The following NEB variants were observed in gnomAD, a reference collection of about 807,000 sequenced individuals.
NEB encodes nemaline myopathy type 2.
In NEB, 512 loss-of-function variants were observed where a neutral mutation model predicts 952.2. The ratio of observed to expected loss-of-function variants is 0.54; its 90% CI spans 0.50 to 0.58. NEB has a LOEUF of 0.58. Ranked by LOEUF, NEB falls within the 20% of genes least tolerant of loss-of-function variation. NEB has a pLI of 0.00. For synonymous variants in NEB, 2,900 were observed against 3,149.8 expected (o/e 0.92, Z 2.66); for missense variants, 8,428 against 9,231.1 (o/e 0.91, Z 3.56).
chr2:151,620,933 C>A lies in NEB; in HGVS notation c.10546G>T (p.Asp3516Tyr), dbSNP rs777340229. The A allele has an allele frequency of 1.2e-6, 2 of 1,611,252 alleles. No individual in the cohort carries two copies. Among genetic ancestry groups the A allele is most frequent in the Non-Finnish European group, 8.5e-7 (1 of 1,178,718 alleles). Residue 3516 changes from aspartate (D) to tyrosine (Y), a missense_variant, in exon 72 of 182, where the codon GAT (aspartate) becomes TAT (tyrosine). This residue lies in a region of NEB where 1,772 missense variants were observed against 1,960.3 expected (regional missense o/e 0.90). Transcript: ENST00000397345. ...TCAGCTCTTACATCACTGGCAATAT[C>A]CCGAGAGGCCTTGGCAGCCACAATG... ...IPIVAAKASR[D>Y]IASDYKYKEA...
intron 153 of NEB, 94 bp downstream of exon 153, chr2:151,524,217 T>A (rs2083940498): frequency 1.9e-6 from 2 of 1,042,534 alleles, no homozygotes; most frequent in African/African-American, 1.6e-5. Flanking sequence ...AGACCCAGCA[T>A]CCCTTTGCAT....
chr2:151,519,745 A>T lies in NEB; in HGVS notation c.22503T>A (p.Asp7501Glu), dbSNP rs1319017675. 6.2e-7 allele frequency: 1 copy of T among 1,612,206 alleles called. No homozygotes were observed. The highest frequency in any genetic ancestry group is 8.5e-7 in the Non-Finnish European group (1 of 1,178,500). ...ATTTTGGTGTCTTGCCCTTTTCTTT[A>T]TCGAAATTTTCTCGGTATTTAACCT... is the stretch of plus-strand genomic sequence containing the variant. The part of the protein sequence containing the change: ...SSQVKYRENF[D>E]KEKGKTPKYN... The change falls in exon 154 of 182, where the codon GAT (aspartate) becomes GAA (glutamate). Residue 7501 changes from aspartate (D) to glutamate (E), a missense_variant. Coordinates refer to ENST00000397345, the MANE Select transcript of NEB (RefSeq NM_001164508.2).
chr2:151,733,136 A>G lies in NEB; in HGVS notation c.21T>C (p.Tyr7=), dbSNP rs2099813086. 2 of 1,605,100 alleles carry G rather than the reference A, an allele frequency of 1.2e-6. No individual in the cohort carries two copies. Among genetic ancestry groups the G allele is most frequent in the Non-Finnish European group, 1.7e-6 (2 of 1,176,172 alleles). ...TAAATCTTACCTCCACCACCTCCTCATAGTCTTCGTCATCTGCCATTTTTC... is the reference window on the plus strand; with the variant it reads ...TAAATCTTACCTCCACCACCTCCTCGTAGTCTTCGTCATCTGCCATTTTTC... MADDED[Y]EEVVEYYTEE... The change falls in exon 3 of 182, where the codon TAT becomes TAC. Residue 7 remains tyrosine, a synonymous_variant. Transcript: ENST00000397345.
chr2:151,552,881 C>A, intron 127 of NEB, 105 bp from the exon 128 acceptor site: 1 of 740,400 alleles, frequency 1.4e-6, no homozygotes. Context: ...GATTTATATT[C>A]ATCAGCACTA....
chr2:151,511,635 T>C (rs370543734), intron 161 of NEB, among the ~76,000 whole-genome samples: 31 of 152,358 alleles, frequency 2.0e-4, no homozygotes, highest in African/African-American at 7.2e-4. Flanking sequence ...CAAATTCTAA[T>C]CTGGCACCAC....
Position 151,493,882 on chromosome 2 carries a change from G to C in NEB, c.24580-15C>G. 6.7e-7 allele frequency: 1 copy of C among 1,483,698 alleles called. No homozygotes were observed. The highest frequency in any genetic ancestry group is 9.1e-7 in the Non-Finnish European group (1 of 1,097,862). 91.9% of individuals were successfully genotyped at this position (1,483,698 alleles called of 1,614,324 possible). ...TTGTATAACACCTGTGAGATACAAA[G>C]TCATGCCCGAAAGTCACTACGAGGT... On this transcript the variant is annotated splice_polypyrimidine_tract_variant and intron_variant, in intron 174 of 181. Transcript: ENST00000397345.
At chr2:151,556,539 A>G (rs180869338) in intron 124 of NEB, among the ~76,000 whole-genome samples, 5 of 152,336 alleles carry the variant, frequency 3.3e-5, no homozygotes, top group Admixed American at 3.3e-4. Flanking sequence ...AAGAATTACA[A>G]TAAAGCTTAC....
chr2:151,654,395 C>T (rs185562450), intron 51 of NEB, among the ~76,000 whole-genome samples: 166 of 152,300 alleles, frequency 1.1e-3, no homozygotes, highest in Non-Finnish European at 1.3e-3. Context: ...GTATCTTTCT[C>T]ACTGCTGTTT....
In NEB at chr2:151,692,335, T is replaced by C. The variant is rs370924370; in HGVS notation, c.1924A>G (p.Thr642Ala). ...CAGTAATTCATACTCTTTGCCTTTGTCTTCTCATAGTTTTCCTTGTATAAT... is the reference window on the plus strand; with the variant it reads ...CAGTAATTCATACTCTTTGCCTTTGCCTTCTCATAGTTTTCCTTGTATAAT... ...DRLYKENYEK[T>A]KAKSMNYCET... Residue 642 changes from threonine to alanine, a missense_variant, in exon 21 of 182, where the codon ACA becomes GCA. Physicochemically the swap from Thr to Ala is moderately conservative, Grantham distance 58. This residue lies in a region of NEB where 2,851 missense variants were observed against 2,791.5 expected (regional missense o/e 1.02). Coordinates refer to ENST00000397345, the MANE Select transcript of NEB (RefSeq NM_001164508.2). 1.7e-5 allele frequency: 28 copies of C among 1,612,176 alleles called. No homozygotes were observed. The African/African-American group carries it at 3.6e-4, about 21-fold the overall frequency.
chr2:151,662,078 A>C, intron 46 of NEB, 57 bp downstream of exon 46: 10 of 1,456,516 alleles, frequency 6.9e-6, no homozygotes, highest in Non-Finnish European at 9.4e-6. Context: ...ATTAAATGTA[A>C]ATTATACCTG....
intron 176 of NEB, 192 bp downstream of exon 176, chr2:151,493,161 A>G (rs756204418): frequency 2.2e-5 from 12 of 549,576 alleles, no homozygotes; most frequent in African/African-American, 3.8e-5. Context: ...GTTAATGTCT[A>G]TTTTAGTGTA....
intron 78 of NEB, 25 bp downstream of exon 78, chr2:151,612,161 C>T (rs759736112): frequency 6.2e-7 from 1 of 1,602,454 alleles, no homozygotes; most frequent in South Asian, 1.1e-5. Context: ...ATGATTCTGG[C>T]AACAGAAAAC....
chr2:151,705,014 A>G lies in NEB; in HGVS notation c.1152+1867T>C, dbSNP rs72863291. Among the ~76,000 whole-genome samples, 1,173 of 152,336 alleles carry G rather than the reference A, an allele frequency of 7.7e-3. 5 individuals carry two copies. Among genetic ancestry groups the G allele is most frequent in the Middle Eastern group, 0.02 (6 of 294 alleles). On this transcript the variant is annotated intron_variant, in intron 13 of 181. Coordinates refer to ENST00000397345, the MANE Select transcript of NEB (RefSeq NM_001164508.2). Reference sequence around the variant, plus strand: ...GCTCACATACTCTTTCCTCACTGATAGCACCACAGCAAACACAGGTTTTAA... The same window carrying G: ...GCTCACATACTCTTTCCTCACTGATGGCACCACAGCAAACACAGGTTTTAA...
Position 151,540,375 on chromosome 2 carries a change from C to T in NEB, c.20861G>A (p.Arg6954Lys), listed in dbSNP as rs762166002. 1.4e-5 allele frequency: 22 copies of T among 1,585,580 alleles called. No individual in the cohort carries two copies. In the South Asian group the frequency reaches 1.7e-4, roughly 12 times the overall value. The change falls in exon 138 of 182, where the codon AGA (arginine) becomes AAA (lysine). Residue 6954 changes from arginine (R) to lysine (K), a missense_variant. Arg to Lys is a conservative substitution (Grantham distance 26). Transcript: ENST00000397345. ...TPVPDTPILIRAKRAYWNASD... is the reference protein window; with the variant it reads ...TPVPDTPILIKAKRAYWNASD... ...GGCATTCCAGTAAGCCCTCTTGGCT[C>T]TGATGAGGATTGGCGTATCTGGAAC...
chr2:151,733,237 G>A lies in NEB; in HGVS notation c.-29-52C>T, dbSNP rs908095538. 1.2e-5 allele frequency: 15 copies of A among 1,212,274 alleles called. No individual in the cohort carries two copies. In the African/African-American group the frequency reaches 1.8e-4, roughly 15 times the overall value. 75.1% of individuals were successfully genotyped at this position (1,212,274 alleles called of 1,614,324 possible). A position where few individuals can be genotyped will look rare whatever the true frequency, so the allele number is the denominator to read the frequency against. On this transcript the variant is annotated intron_variant, in intron 2 of 181. Coordinates refer to ENST00000397345, the MANE Select transcript of NEB (RefSeq NM_001164508.2). ...CATATTAGAGTCTATTCCCAGCACA[G>A]AAATTATCTTATGACATTATAAAAA...
intron 139 of NEB, 68 bp from the exon 140 acceptor site, chr2:151,538,044 G>A: frequency 6.5e-7 from 1 of 1,527,612 alleles, no homozygotes; most frequent in Non-Finnish European, 9.0e-7. Context: ...GCTTCTTTCT[G>A]GAGAATTTCA....
intron 152 of NEB, 33 bp from the exon 153 acceptor site, chr2:151,524,448 T>A (rs767499462): frequency 1.9e-6 from 3 of 1,609,162 alleles, no homozygotes; most frequent in Non-Finnish European, 2.6e-6. Flanking sequence ...GGGCAACAGG[T>A]GATGGTTGCC....
chr2:151,715,717 AT>A (rs1215863009), intron 10 of NEB, among the ~76,000 whole-genome samples: 1 of 152,214 alleles, frequency 6.6e-6, no homozygotes, highest in African/African-American at 2.4e-5. Context: ...ATAAACGTCT[AT>A]TGTTTAAGCC....
chr2:151,638,805 CTCTGTGTG>C (rs1378025297), intron 63 of NEB, among the ~76,000 whole-genome samples: 3 of 77,132 alleles, frequency 3.9e-5, no homozygotes, highest in Admixed American at 1.7e-4. Flanking sequence ...ATTTCTCTCT[CTCTGTGTG>C]TGTGTGTGTG....
Sources: gnomAD v4.1 joint callset for allele counts (sites outside exome capture counted in the v4.1 genomes callset) on GRCh38, gnomAD v4.1.1 for gene constraint, gnomAD v4.1.1 regional missense constraint, MANE v1.5 for transcripts, NCBI Gene and HGNC (gene_info 2026-07-23, HGNC 2026-07-21) for gene names.